SF3B1: variants seen among roughly 807,000 people sequenced by gnomAD.
SF3B1 encodes the protein splicing factor 3b subunit 1, also known as pre-mRNA processing 10.
Under a neutral mutation model 153.8 loss-of-function variants are expected in SF3B1, and 12 were observed. The ratio of observed to expected loss-of-function variants is 0.08; its 90% CI spans 0.05 to 0.13. The LOEUF (loss-of-function observed/expected upper bound fraction) is 0.13, where lower values mean the gene tolerates loss of function less well. Among genes scored for constraint, SF3B1 ranks in the 10% least tolerant of loss-of-function variants. The probability of loss-of-function intolerance (pLI) is 1.00; values close to 1 mark genes in which losing one functional copy is unlikely to be tolerated. For synonymous variants in SF3B1, 498 were observed against 525.2 expected (o/e 0.95, Z 0.71); for missense variants, 513 against 1,606.1 (o/e 0.32, Z 11.63).
At chr2:197,405,534 T>C (rs908724196) in intron 9 of SF3B1, 62 bp from the exon 10 acceptor site, 42 of 1,132,062 alleles carry the variant, frequency 3.7e-5, no homozygotes, top group Non-Finnish European at 4.6e-5. Flanking sequence ...TAATGAACAA[T>C]ATTTGCACTT....
At chr2:197,395,535 T>C (rs2084866605) in intron 23 of SF3B1, among the ~76,000 whole-genome samples, 1 of 152,212 alleles carries the variant, frequency 6.6e-6, no homozygotes, top group Non-Finnish European at 1.5e-5. Flanking sequence ...TCAGTCTAGA[T>C]GGTAAAAGGT....
At position 197,392,998 on chromosome 2, in the gene SF3B1, A is replaced by C; in HGVS notation, c.3730T>G (p.Cys1244Gly). ...TGTAAACAATATTGCAACATTCTAC[A>C]TGGTCCAATAGCAACTCTCAGGCCC... ...LEGLRVAIGP[C>G]RMLQYCLQGL... The change falls in exon 24 of 25, where the codon TGT becomes GGT. Residue 1244 changes from cysteine (C) to glycine (G), a missense_variant. Cys to Gly is a radical substitution (Grantham distance 159). Coordinates refer to ENST00000335508, the MANE Select transcript of SF3B1 (RefSeq NM_012433.4). 1 of 1,611,876 alleles carries C rather than the reference A, an allele frequency of 6.2e-7. No individual in the cohort carries two copies. Among genetic ancestry groups the C allele is most frequent in the Non-Finnish European group, 8.5e-7 (1 of 1,178,002 alleles).
chr2:197,424,057 T>C, intron 1 of SF3B1, 83 bp from the exon 2 acceptor site: 1 of 1,118,216 alleles, frequency 8.9e-7, no homozygotes, highest in South Asian at 1.4e-5. Context: ...TAGGTAATTA[T>C]CAAAATACTC....
rs895702867 is a variant in SF3B1, at chr2:197,402,357, C to A, written c.2077+199G>T. On this transcript the variant is annotated intron_variant, in intron 14 of 24. Transcript: ENST00000335508. This position sits in a 1 kb window ranked among gnomAD's most constrained non-coding sequence, Gnocchi z 4.6. Reference sequence around the variant, plus strand: ...GAGCTATGCCTTTCCATTTATCTCCCCAAATCAGTAGCCCAAATTTTAGGA... The same window carrying A: ...GAGCTATGCCTTTCCATTTATCTCCACAAATCAGTAGCCCAAATTTTAGGA... 2 of 706,650 alleles carry A rather than the reference C, an allele frequency of 2.8e-6. No homozygotes were observed. The highest frequency in any genetic ancestry group is 1.8e-5 in the African/African-American group (1 of 55,610). 43.8% of individuals were successfully genotyped at this position (706,650 alleles called of 1,614,324 possible).
chr2:197,401,662 T>C lies in SF3B1; in HGVS notation c.2370+80A>G. 6.6e-7 allele frequency: 1 copy of C among 1,516,078 alleles called. No homozygotes were observed. The highest frequency in any genetic ancestry group is 1.2e-5 in the South Asian group (1 of 81,946). The allele number at this position is 1,516,078 out of a possible 1,614,324, so 93.9% of individuals were successfully genotyped here. On this transcript the variant is annotated intron_variant, in intron 16 of 24. Transcript: ENST00000335508. This position sits in a 1 kb window ranked among gnomAD's most constrained non-coding sequence, Gnocchi z 4.2. Reference sequence around the variant, plus strand: ...TTCGTGTAACATACAGTTTTTTTTGTTGATTTTTAAAAACACTTTAAAATT... The same window carrying C: ...TTCGTGTAACATACAGTTTTTTTTGCTGATTTTTAAAAACACTTTAAAATT...
intron 9 of SF3B1, among the ~76,000 whole-genome samples, chr2:197,407,267 C>G (rs2085005645): frequency 6.6e-6 from 1 of 152,048 alleles, no homozygotes; most frequent in South Asian, 2.1e-4. Flanking sequence ...CCCTGAGTAC[C>G]AGGTACCTAG....
At chr2:197,406,463 T>C (rs932559443) in intron 9 of SF3B1, among the ~76,000 whole-genome samples, 2 of 152,208 alleles carry the variant, frequency 1.3e-5, no homozygotes, top group African/African-American at 4.8e-5. Context: ...ATAAAGTGGA[T>C]ACTCTAAAGA....
chr2:197,404,533 C>G (rs369865828), intron 11 of SF3B1, among the ~76,000 whole-genome samples: 1 of 152,054 alleles, frequency 6.6e-6, no homozygotes, highest in African/African-American at 2.4e-5. Context: ...GCCAAGACTA[C>G]ACCACTGCAC....
At chr2:197,392,543 G>A (rs1471805781) in intron 24 of SF3B1, 82 bp from the exon 25 acceptor site, 6 of 239,302 alleles carry the variant, frequency 2.5e-5, no homozygotes, top group African/African-American at 1.6e-4. Flanking sequence ...ATAAAGATAT[G>A]ATTCAAAATT....
At chr2:197,434,945 A>G (rs535791524) in intron 1 of SF3B1, 27 bp downstream of exon 1, 1 of 1,610,110 alleles carries the variant, frequency 6.2e-7, no homozygotes, top group African/African-American at 1.3e-5. Flanking sequence ...AACGAAGAAA[A>G]CACGTAAGCA....
intron 1 of SF3B1, among the ~76,000 whole-genome samples, chr2:197,425,937 T>C (rs552031022): frequency 1.3e-5 from 2 of 152,002 alleles, no homozygotes; most frequent in Non-Finnish European, 2.9e-5. Context: ...AGGTCAAGGC[T>C]GCAGTAAGCC....
At position 197,389,906 on chromosome 2, in the gene SF3B1, G is replaced by A. The variant is rs950325945; in HGVS notation, c.*2397C>T. The A allele has an allele frequency of 2.0e-5, 3 of 152,084 alleles. No homozygotes were observed. The highest frequency in any genetic ancestry group is 7.2e-5 in the African/African-American group (3 of 41,412). 9.4% of individuals were successfully genotyped at this position (152,084 alleles called of 1,614,324 possible). On this transcript the variant is annotated 3_prime_UTR_variant, in exon 25 of 25. Coordinates refer to ENST00000335508, the MANE Select transcript of SF3B1 (RefSeq NM_012433.4). Reference sequence around the variant, plus strand: ...CCAGAGATCAATTCCATTAGAGGGCGATGGCCCACAGAAAAACCAACAAAG... The same window carrying A: ...CCAGAGATCAATTCCATTAGAGGGCAATGGCCCACAGAAAAACCAACAAAG...
At chr2:197,417,740 A>G (rs1309734170) in intron 5 of SF3B1, among the ~76,000 whole-genome samples, 1 of 151,820 alleles carries the variant, frequency 6.6e-6, no homozygotes, top group South Asian at 2.1e-4. Context: ...CTGGGCAACA[A>G]AGGAAGACTC....
At chr2:197,408,777 G>C (rs929280361) in intron 7 of SF3B1, 196 bp from the exon 8 acceptor site, 6 of 554,530 alleles carry the variant, frequency 1.1e-5, no homozygotes, top group Admixed American at 3.1e-5. Flanking sequence ...ACAAAAAGTA[G>C]CCAGGTGTGG....
intron 2 of SF3B1, among the ~76,000 whole-genome samples, chr2:197,423,488 A>G (rs1322570177): frequency 6.6e-6 from 1 of 152,202 alleles, no homozygotes; most frequent in Non-Finnish European, 1.5e-5. Flanking sequence ...GCTATTTACA[A>G]TTAAGTCACT....
At position 197,416,764 on chromosome 2, in the gene SF3B1, G is replaced by T; in HGVS notation, c.643C>A (p.Leu215Ile). The change falls in exon 6 of 25, where the codon CTA becomes ATA. Residue 215 changes from leucine to isoleucine, a missense_variant. Physicochemically the swap from Leu to Ile is conservative, Grantham distance 5 (BLOSUM62 2). Around this residue, in one of 21 missense-constraint regions of SF3B1, gnomAD observed 17 missense variants for 16.3 expected, o/e 1.05. Transcript: ENST00000335508. ...ACCTCTGCCTGATCCCAACTTGATA[G>T]TTTTTTGGGAGTGGCACCAGGAGTC... ...DQTPGATPKK[L>I]SSWDQAETPG... 10 of 1,611,924 alleles carry T rather than the reference G, an allele frequency of 6.2e-6. No homozygotes were observed. The highest frequency in any genetic ancestry group is 8.5e-6 in the Non-Finnish European group (10 of 1,179,440).
At chr2:197,398,695 T>A in intron 20 of SF3B1, 114 bp from the exon 21 acceptor site, 2 of 977,856 alleles carry the variant, frequency 2.0e-6, no homozygotes, top group Non-Finnish European at 3.0e-6. Flanking sequence ...TACAGCTGCC[T>A]AGGGAAAGAG....
chr2:197,415,807 T>C (rs764739211), intron 6 of SF3B1, among the ~76,000 whole-genome samples: 42 of 151,818 alleles, frequency 2.8e-4, no homozygotes, highest in Non-Finnish European at 4.9e-4. Context: ...GATGCCATCG[T>C]TTTGTTTTTT....
At chr2:197,405,037 T>C in intron 11 of SF3B1, 39 bp downstream of exon 11, 1 of 1,358,436 alleles carries the variant, frequency 7.4e-7, no homozygotes. Context: ...ATTAAATAAA[T>C]AAGCAACAAA....
Sources: gnomAD v4.1 joint callset for allele counts (sites outside exome capture counted in the v4.1 genomes callset) on GRCh38, gnomAD v4.1.1 for gene constraint, gnomAD v4.1.1 regional missense constraint, Gnocchi (gnomAD v3.1) non-coding constraint, MANE v1.5 for transcripts, NCBI Gene and HGNC (gene_info 2026-07-23, HGNC 2026-07-21) for gene names.